PIGK: variants seen among roughly 807,000 people sequenced by gnomAD.
PIGK encodes phosphatidylinositol glycan anchor biosynthesis class K.
In PIGK, 42 loss-of-function variants were observed where a neutral mutation model predicts 50.6. That is an observed-to-expected ratio of 0.83 (90% CI 0.65 to 1.07). PIGK has a LOEUF of 1.07. PIGK is among the 50% of genes least tolerant of loss of function. PIGK has a pLI of 0.00. For missense variants in PIGK, 448 were observed against 488.7 expected, an observed-to-expected ratio of 0.92 and a Z score of 0.78; for synonymous variants, 151 against 156.0, an observed-to-expected ratio of 0.97 and a Z score of 0.24.
At chr1:77,196,553 ATT>A (rs919209649) in intron 3 of PIGK, among the ~76,000 whole-genome samples, 3 of 151,878 alleles carry the variant, frequency 2.0e-5, no homozygotes, top group African/African-American at 7.3e-5. Context: ...TTTGATTTGC[ATT>A]TCTCTAGTAA....
intron 9 of PIGK, among the ~76,000 whole-genome samples, chr1:77,135,257 T>C (rs529161849): frequency 6.6e-6 from 1 of 152,230 alleles, no homozygotes; most frequent in African/African-American, 2.4e-5. Flanking sequence ...AAATTTTTGT[T>C]TTAAATATTT....
At chr1:77,149,721 G>T (rs1194469965) in intron 9 of PIGK, among the ~76,000 whole-genome samples, 1 of 152,030 alleles carries the variant, frequency 6.6e-6, no homozygotes, top group Non-Finnish European at 1.5e-5. Flanking sequence ...AGAAGGATTG[G>T]AGTCTATACT....
At chr1:77,162,958 T>C (rs1052748005) in intron 6 of PIGK, among the ~76,000 whole-genome samples, 2 of 152,150 alleles carry the variant, frequency 1.3e-5, no homozygotes, top group African/African-American at 2.4e-5. Context: ...GTTCCACAAG[T>C]TATTTAATCT....
At chr1:77,149,589 C>A (rs1304528500) in intron 9 of PIGK, among the ~76,000 whole-genome samples, 5 of 151,366 alleles carry the variant, frequency 3.3e-5, no homozygotes, top group Non-Finnish European at 1.5e-5. Flanking sequence ...GCAGTATTAC[C>A]CAAATATAAA....
intron 2 of PIGK, among the ~76,000 whole-genome samples, chr1:77,210,085 G>C (rs971127976): frequency 6.6e-6 from 1 of 151,944 alleles, no homozygotes; most frequent in Non-Finnish European, 1.5e-5. Flanking sequence ...ATTTTAAAAA[G>C]TGTAAGTAGA....
chr1:77,107,310 A>G (rs1210745040), intron 10 of PIGK, among the ~76,000 whole-genome samples: 2 of 152,158 alleles, frequency 1.3e-5, no homozygotes, highest in African/African-American at 2.4e-5. Context: ...GTTGGTTTCG[A>G]AGAACATCTT....
At chr1:77,190,463 T>C (rs574147892) in intron 3 of PIGK, among the ~76,000 whole-genome samples, 2 of 152,270 alleles carry the variant, frequency 1.3e-5, no homozygotes, top group South Asian at 2.1e-4. Flanking sequence ...AAATTGATAA[T>C]GGACTCTGAC....
At chr1:77,099,514 A>C (rs1653495056) in intron 10 of PIGK, among the ~76,000 whole-genome samples, 1 of 152,194 alleles carries the variant, frequency 6.6e-6, no homozygotes, top group Non-Finnish European at 1.5e-5. Flanking sequence ...AACACTGTTT[A>C]TTACTGATGT....
intron 3 of PIGK, among the ~76,000 whole-genome samples, chr1:77,191,476 T>C (rs550047384): frequency 6.6e-6 from 1 of 152,350 alleles, no homozygotes; most frequent in Non-Finnish European, 1.5e-5. Flanking sequence ...AGTCTACATC[T>C]AACCTCTTTA....
At chr1:77,171,251 A>C (rs1047074938) in intron 3 of PIGK, among the ~76,000 whole-genome samples, 1 of 151,800 alleles carries the variant, frequency 6.6e-6, no homozygotes, top group Non-Finnish European at 1.5e-5. Flanking sequence ...CCTGGTTAAC[A>C]CAGTGAAACC....
intron 9 of PIGK, among the ~76,000 whole-genome samples, chr1:77,131,202 C>A (rs1340149580): frequency 6.6e-6 from 1 of 151,466 alleles, no homozygotes; most frequent in African/African-American, 2.4e-5. Context: ...CATCTATAGA[C>A]ACATGCATAT....
chr1:77,154,649 T>C (rs1447546946), intron 8 of PIGK, 28 bp from the exon 9 acceptor site: 1 of 1,414,496 alleles, frequency 7.1e-7, no homozygotes, highest in South Asian at 1.2e-5. Context: ...AATAAATGCA[T>C]GCATCCACAC....
chr1:77,122,793 A>T (rs1010620067), intron 9 of PIGK, among the ~76,000 whole-genome samples: 1 of 152,178 alleles, frequency 6.6e-6, no homozygotes, highest in East Asian at 1.9e-4. Context: ...TGGGACTTGC[A>T]CCTCCAGGAG....
At chr1:77,110,625 A>C (rs1653818294) in intron 10 of PIGK, among the ~76,000 whole-genome samples, 1 of 152,234 alleles carries the variant, frequency 6.6e-6, no homozygotes. Flanking sequence ...TGGATTAAAG[A>C]CTTACATGTT....
intron 3 of PIGK, among the ~76,000 whole-genome samples, chr1:77,191,059 C>A (rs1655893498): frequency 6.6e-6 from 1 of 152,178 alleles, no homozygotes. Flanking sequence ...CTTAACTCCC[C>A]ACTAATTAGT....
chr1:77,206,595 T>A, intron 3 of PIGK, 45 bp downstream of exon 3: 4 of 989,220 alleles, frequency 4.0e-6, no homozygotes, highest in Non-Finnish European at 6.4e-6. Flanking sequence ...ATCTAAGGGT[T>A]ATTTTCACTG....
In PIGK at chr1:77,154,539, A is replaced by G; in HGVS notation, c.896T>C (p.Leu299Pro). Residue 299 changes from leucine to proline, a missense_variant, in exon 9 of 11, where the codon CTG (leucine) becomes CCG (proline). Leu to Pro is a moderately conservative substitution (Grantham distance 98). Transcript: ENST00000370812. Reference protein sequence around the residue: ...DLFQRDPKNVLITDFFGSVRK... With the variant: ...DLFQRDPKNVPITDFFGSVRK... Reference sequence around the variant, plus strand: ...TACACTTCCAAAGAAATCAGTTATCAGTACATTTTTAGGATCCCTCTGAAA... The same window carrying G: ...TACACTTCCAAAGAAATCAGTTATCGGTACATTTTTAGGATCCCTCTGAAA... The G allele has an allele frequency of 6.2e-7, 1 of 1,611,596 alleles. No individual in the cohort carries two copies. Among genetic ancestry groups the G allele is most frequent in the Non-Finnish European group, 8.5e-7 (1 of 1,177,852 alleles).
chr1:77,169,018 TA>T (rs1442381337), intron 4 of PIGK, among the ~76,000 whole-genome samples: 2 of 152,078 alleles, frequency 1.3e-5, no homozygotes, highest in African/African-American at 4.8e-5. Context: ...AAACTCACTA[TA>T]ATACTCTAAC....
intron 1 of PIGK, among the ~76,000 whole-genome samples, chr1:77,212,970 G>C (rs1656453883): frequency 6.6e-6 from 1 of 152,122 alleles, no homozygotes; most frequent in Non-Finnish European, 1.5e-5. Context: ...TGTCACCCAG[G>C]CTGGAGTGCA....
Sources: allele counts gnomAD v4.1 joint callset (sites outside exome capture counted in the v4.1 genomes callset), GRCh38; gene constraint gnomAD v4.1.1; transcripts MANE v1.5; gene names NCBI Gene and HGNC (gene_info 2026-07-23, HGNC 2026-07-21).